Variants in DOCK10 observed in about 807,000 individuals in gnomAD.
The protein encoded by DOCK10 is dedicator of cytokinesis 10.
A neutral mutation model predicts 280.1 loss-of-function variants in DOCK10; 145 were observed. That is an observed-to-expected ratio of 0.52 (90% CI 0.45 to 0.59). DOCK10 has a LOEUF of 0.59. Among genes scored for constraint, DOCK10 ranks in the 20% least tolerant of loss-of-function variants. The pLI is 0.00. For synonymous variants in DOCK10, 915 were observed against 942.2 expected (o/e 0.97, Z 0.53); for missense variants, 2,368 against 2,651.7 (o/e 0.89, Z 2.35).
intron 1 of DOCK10, among the ~76,000 whole-genome samples, chr2:224,960,186 A>G (rs1398835270): frequency 1.3e-5 from 2 of 152,092 alleles, no homozygotes; most frequent in African/African-American, 4.8e-5. Context: ...TATTATAATT[A>G]TTATTGTTAT....
At chr2:224,939,085 G>A (rs1021193108) in intron 1 of DOCK10, among the ~76,000 whole-genome samples, 11 of 152,102 alleles carry the variant, frequency 7.2e-5, no homozygotes, top group Admixed American at 1.3e-4. Context: ...TAACAAAGAC[G>A]GACACAGATC....
rs1473800539 is a variant in DOCK10 at position 224,970,579 on chromosome 2, G to A, written c.124-38911C>T. ...AATTCTATAAACCCTTCAATCCGAA[G>A]AGATTACAACAAAGTGATTTTCCCT... On this transcript the variant is annotated intron_variant, in intron 1 of 55. Coordinates refer to ENST00000258390, the MANE Select transcript of DOCK10 (RefSeq NM_014689.3). This position sits in a 1 kb window ranked among gnomAD's most constrained non-coding sequence, Gnocchi z 4.6. Among the ~76,000 whole-genome samples, 2 of 152,206 alleles carry A rather than the reference G, an allele frequency of 1.3e-5. No homozygotes were observed. The highest frequency in any genetic ancestry group is 4.8e-5 in the African/African-American group (2 of 41,438).
intron 1 of DOCK10, among the ~76,000 whole-genome samples, chr2:225,001,750 G>A (rs1706436029): frequency 6.6e-6 from 1 of 152,238 alleles, no homozygotes; most frequent in Admixed American, 6.5e-5. Flanking sequence ...CCATGATCGA[G>A]GCGTCGGCAG....
intron 24 of DOCK10, among the ~76,000 whole-genome samples, chr2:224,838,057 T>G (rs1352904746): frequency 2.0e-5 from 3 of 152,204 alleles, no homozygotes; most frequent in Non-Finnish European, 4.4e-5. Flanking sequence ...TTTCCAACTT[T>G]GAAACTTTGA....
At chr2:224,977,238 C>T (rs549964633) in intron 1 of DOCK10, among the ~76,000 whole-genome samples, 6 of 152,276 alleles carry the variant, frequency 3.9e-5, no homozygotes, top group African/African-American at 1.4e-4. Flanking sequence ...AGAGAAACCC[C>T]AGAATGTTCA....
Position 224,837,822 on chromosome 2 carries a change from G to T in DOCK10, c.2790C>A (p.Thr930=), listed in dbSNP as rs373071946. ...EITTTVTRVL[T]DIVAKCHEEQ... Reference sequence around the variant, plus strand: ...CCTCATGGCACTTGGCCACAATGTCGGTCAGAACCCTGCAAAAGCAAAGCT... The same window carrying T: ...CCTCATGGCACTTGGCCACAATGTCTGTCAGAACCCTGCAAAAGCAAAGCT... Residue 930 remains threonine (T), a synonymous_variant, in exon 25 of 56, where the codon ACC becomes ACA. Coordinates refer to ENST00000258390, the MANE Select transcript of DOCK10 (RefSeq NM_014689.3). The T allele has an allele frequency of 6.2e-7, 1 of 1,613,658 alleles. No homozygotes were observed. The highest frequency in any genetic ancestry group is 1.3e-5 in the African/African-American group (1 of 74,910).
At chr2:224,920,680 A>C (rs1701653734) in intron 2 of DOCK10, among the ~76,000 whole-genome samples, 2 of 151,954 alleles carry the variant, frequency 1.3e-5, no homozygotes, top group South Asian at 4.1e-4. Context: ...AAAATTCTAT[A>C]TTATGGCCAT....
At chr2:224,830,353 G>C (rs906800467) in intron 27 of DOCK10, among the ~76,000 whole-genome samples, 188 bp downstream of exon 27, 2 of 151,978 alleles carry the variant, frequency 1.3e-5, no homozygotes, top group Non-Finnish European at 2.9e-5. Context: ...TATTGTCTTG[G>C]CATCTGCTTC....
intron 2 of DOCK10, among the ~76,000 whole-genome samples, chr2:224,929,311 C>T (rs535302841): frequency 6.6e-6 from 1 of 152,352 alleles, no homozygotes; most frequent in South Asian, 2.1e-4. Context: ...CTCCTGTCTC[C>T]ATTCATCAAA....
intron 1 of DOCK10, among the ~76,000 whole-genome samples, chr2:224,979,668 T>C (rs1705643440): frequency 6.6e-6 from 1 of 152,200 alleles, no homozygotes. Context: ...GTGGCATGGG[T>C]CATTCCCTTG....
chr2:225,034,560 T>C (rs1690171582), intron 1 of DOCK10, among the ~76,000 whole-genome samples: 1 of 152,212 alleles, frequency 6.6e-6, no homozygotes, highest in South Asian at 2.1e-4. Flanking sequence ...ATAATTCCAC[T>C]ATAACCTTTC....
intron 51 of DOCK10, among the ~76,000 whole-genome samples, chr2:224,776,367 A>G (rs1366526026): frequency 6.6e-6 from 1 of 152,180 alleles, no homozygotes; most frequent in Non-Finnish European, 1.5e-5. Flanking sequence ...TCATCAGCTG[A>G]TAAGTGGTGG....
At chr2:224,893,475 A>G (rs1291406748) in intron 4 of DOCK10, 2 of 197,044 alleles carry the variant, frequency 1.0e-5, no homozygotes, top group Non-Finnish European at 2.2e-5. Context: ...TATGTCACAC[A>G]TCTCTGTATT....
At chr2:224,982,097 T>C in intron 1 of DOCK10, 1 of 797,062 alleles carries the variant, frequency 1.3e-6, no homozygotes, top group Non-Finnish European at 1.7e-6. Context: ...AGTAGTAAAC[T>C]CTAGGTCACA....
Position 224,886,133 on chromosome 2 carries a change from C to A in DOCK10, c.542G>T (p.Gly181Val). 1 of 1,613,844 alleles carries A rather than the reference C, an allele frequency of 6.2e-7. No individual in the cohort carries two copies. The highest frequency in any genetic ancestry group is 8.5e-7 in the Non-Finnish European group (1 of 1,179,860). The change falls in exon 6 of 56, where the codon GGT becomes GTT. Residue 181 changes from glycine to valine, a missense_variant. By Grantham distance (109) the Gly-to-Val change is moderately radical. Around this residue, in one of 2 missense-constraint regions of DOCK10, gnomAD observed 1,209 missense variants for 1,250.9 expected, o/e 0.97. Coordinates refer to ENST00000258390, the MANE Select transcript of DOCK10 (RefSeq NM_014689.3). Reference protein sequence around the residue: ...SKGGGGAGGTGVFKSGWLYKG... With the variant: ...SKGGGGAGGTVVFKSGWLYKG... ...GTAGAGCCAGCCGGACTTGAAAACA[C>A]CAGTTCCTCCCGCTCCTCCACCCCC...
chr2:224,886,028 G>T, intron 6 of DOCK10, 35 bp downstream of exon 6: 1 of 1,612,838 alleles, frequency 6.2e-7, no homozygotes, highest in Non-Finnish European at 8.5e-7. Context: ...TAAGAAGGGT[G>T]ACAGAGATAA....
chr2:225,023,377 T>G (rs779887425), intron 1 of DOCK10, among the ~76,000 whole-genome samples: 2 of 152,110 alleles, frequency 1.3e-5, no homozygotes, highest in Non-Finnish European at 2.9e-5. Flanking sequence ...TTTTGACACA[T>G]TTGCAATATG....
intron 6 of DOCK10, 91 bp downstream of exon 6, chr2:224,885,972 C>T (rs925732526): frequency 6.4e-7 from 1 of 1,553,478 alleles, no homozygotes; most frequent in Non-Finnish European, 8.7e-7. Flanking sequence ...AACATAAACT[C>T]AATGCAAATG....
chr2:224,938,888 T>G (rs1432874755), intron 1 of DOCK10, among the ~76,000 whole-genome samples: 1 of 152,222 alleles, frequency 6.6e-6, no homozygotes, highest in Non-Finnish European at 1.5e-5. Context: ...AAAACAAGGC[T>G]ACTTTTTCCT....
Sources: allele counts gnomAD v4.1 joint callset (sites outside exome capture counted in the v4.1 genomes callset), GRCh38; gene constraint gnomAD v4.1.1; regional missense constraint gnomAD v4.1.1; non-coding constraint Gnocchi (gnomAD v3.1); transcripts MANE v1.5; gene names NCBI Gene and HGNC (gene_info 2026-07-23, HGNC 2026-07-21).